EEA1: variants seen among roughly 807,000 people sequenced by gnomAD.
The protein encoded by EEA1 is early endosome antigen 1.
EEA1 carries 111 observed loss-of-function variants against 209.2 expected under a neutral mutation model. The observed-to-expected ratio is 0.53, with a 90% CI of 0.45 to 0.62. The LOEUF (loss-of-function observed/expected upper bound fraction) is 0.62, where lower values mean the gene tolerates loss of function less well. Ranked by LOEUF, EEA1 falls within the 20% of genes least tolerant of loss-of-function variation. EEA1 has a pLI of 0.00. For synonymous variants in EEA1, 536 were observed against 540.6 expected, an observed-to-expected ratio of 0.99 and a Z score of 0.12; for missense variants, 1,343 against 1,530.8, an observed-to-expected ratio of 0.88 and a Z score of 2.05.
intron 9 of EEA1, among the ~76,000 whole-genome samples, chr12:92,848,722 CTTTTTTTTTTT>C (rs71069184): frequency 4.6e-5 from 3 of 64,574 alleles, no homozygotes; most frequent in African/African-American, 6.1e-5. Context: ...ATATTCTCAC[CTTTTTTTTTTT>C]TTTTTTTTTT....
intron 1 of EEA1, among the ~76,000 whole-genome samples, chr12:92,927,962 TC>T (rs1444062098): frequency 2.0e-5 from 3 of 152,218 alleles, no homozygotes; most frequent in African/African-American, 7.2e-5. Context: ...GCAAGAGCAC[TC>T]CCTTCCTATC....
chr12:92,833,628 G>A (rs916239317), intron 10 of EEA1, among the ~76,000 whole-genome samples: 5 of 152,182 alleles, frequency 3.3e-5, no homozygotes, highest in African/African-American at 9.6e-5. Context: ...ATCCAGCCAG[G>A]ATAAGAAGCT....
chr12:92,799,095 A>G lies in EEA1; in HGVS notation c.2773-9T>C. On this transcript the variant is annotated splice_polypyrimidine_tract_variant and intron_variant, in intron 20 of 28. Transcript: ENST00000322349. ...TTCAACTGATGAGAAGCCTGAAAGAAAAAAAAAATCTATTTAGCCTTCATT... is the reference window on the plus strand; with the variant it reads ...TTCAACTGATGAGAAGCCTGAAAGAGAAAAAAAATCTATTTAGCCTTCATT... 6.4e-7 allele frequency: 1 copy of G among 1,564,356 alleles called. No individual in the cohort carries two copies. The highest frequency in any genetic ancestry group is 8.6e-7 in the Non-Finnish European group (1 of 1,161,878).
intron 2 of EEA1, among the ~76,000 whole-genome samples, chr12:92,885,503 C>T (rs1007879360): frequency 6.6e-6 from 1 of 152,116 alleles, no homozygotes; most frequent in South Asian, 2.1e-4. Flanking sequence ...AAAACAATTT[C>T]CCCTGAGAAT....
chr12:92,901,930 C>T (rs1425266668), intron 1 of EEA1, among the ~76,000 whole-genome samples: 1 of 152,108 alleles, frequency 6.6e-6, no homozygotes, highest in African/African-American at 2.4e-5. Context: ...AGCCCAAAAA[C>T]AATAACACTA....
intron 10 of EEA1, among the ~76,000 whole-genome samples, chr12:92,839,848 G>C (rs1322185330): frequency 6.6e-6 from 1 of 152,128 alleles, no homozygotes; most frequent in African/African-American, 2.4e-5. Context: ...GAAACTTCAT[G>C]GCAGCAAATT....
intron 3 of EEA1, among the ~76,000 whole-genome samples, chr12:92,859,932 T>C (rs1878061848): frequency 6.6e-6 from 1 of 152,188 alleles, no homozygotes; most frequent in African/African-American, 2.4e-5. Context: ...TGATCAGTCT[T>C]GTATGTAACG....
In EEA1 at chr12:92,772,503, TACA is replaced by T. The variant is rs1209664623; in HGVS notation, c.*3505_*3507del. ...GACAAAACAATTTATAGTCACAGAATACAACTAGTTTAGAAAGAAATGTTTTTA... is the reference window on the plus strand; with the variant it reads ...GACAAAACAATTTATAGTCACAGAATACTAGTTTAGAAAGAAATGTTTTTA... On this transcript the variant is annotated 3_prime_UTR_variant, in exon 29 of 29. Coordinates refer to ENST00000322349, the MANE Select transcript of EEA1 (RefSeq NM_003566.4). 1 of 151,820 alleles carries T rather than the reference TACA, an allele frequency of 6.6e-6. No homozygotes were observed. The highest frequency in any genetic ancestry group is 1.5e-5 in the Non-Finnish European group (1 of 67,784). 9.4% of individuals were successfully genotyped at this position (151,820 alleles called of 1,614,324 possible).
chr12:92,860,214 C>T (rs1878076880), intron 3 of EEA1, among the ~76,000 whole-genome samples: 1 of 152,206 alleles, frequency 6.6e-6, no homozygotes, highest in African/African-American at 2.4e-5. Flanking sequence ...AGGGAAGTCA[C>T]AGGCCAGTAC....
chr12:92,907,093 C>G (rs867887658), intron 1 of EEA1, among the ~76,000 whole-genome samples: 3 of 152,118 alleles, frequency 2.0e-5, no homozygotes, highest in Non-Finnish European at 4.4e-5. Context: ...ATAACAAATA[C>G]TATTTCATGA....
intron 3 of EEA1, chr12:92,858,030 T>C: frequency 2.7e-6 from 1 of 367,950 alleles, no homozygotes; most frequent in Non-Finnish European, 5.0e-6. Context: ...GCTGCCATCT[T>C]GCCGCTGCTC....
At chr12:92,804,418 A>G (rs1875086575) in intron 18 of EEA1, among the ~76,000 whole-genome samples, 1 of 151,972 alleles carries the variant, frequency 6.6e-6, no homozygotes, top group African/African-American at 2.4e-5. Flanking sequence ...CTAAAAACAC[A>G]AAAATTAGCC....
intron 2 of EEA1, among the ~76,000 whole-genome samples, chr12:92,866,119 G>A (rs1281601925): frequency 1.3e-5 from 2 of 150,374 alleles, no homozygotes. Flanking sequence ...TTGAACCTGG[G>A]AGGTGGAGGT....
chr12:92,890,807 C>T (rs1879629514), intron 2 of EEA1, among the ~76,000 whole-genome samples: 2 of 152,082 alleles, frequency 1.3e-5, no homozygotes, highest in South Asian at 4.1e-4. Flanking sequence ...AAAATAAACA[C>T]ATGGTCAGAG....
At chr12:92,864,352 T>C (rs1015309600) in intron 3 of EEA1, among the ~76,000 whole-genome samples, 34 of 152,184 alleles carry the variant, frequency 2.2e-4, no homozygotes, top group African/African-American at 4.1e-4. Flanking sequence ...AGTTATACCA[T>C]TGAATGCTAT....
intron 19 of EEA1, 93 bp from the exon 20 acceptor site, chr12:92,801,794 A>C: frequency 1.3e-6 from 1 of 775,328 alleles, no homozygotes; most frequent in South Asian, 2.8e-5. Flanking sequence ...ACACGAAGAA[A>C]TAAACTAAAA....
intron 2 of EEA1, among the ~76,000 whole-genome samples, chr12:92,866,570 A>T (rs752878434): frequency 6.6e-6 from 1 of 151,930 alleles, no homozygotes. Flanking sequence ...TTTAAAGATC[A>T]CTGTTCCCCA....
At chr12:92,893,430 C>T (rs530257537) in intron 1 of EEA1, among the ~76,000 whole-genome samples, 13 of 152,290 alleles carry the variant, frequency 8.5e-5, no homozygotes, top group Non-Finnish European at 1.9e-4. Flanking sequence ...CTCTGTTAGA[C>T]ATCTCCACTG....
chr12:92,876,204 C>T (rs1878874986), intron 2 of EEA1, among the ~76,000 whole-genome samples: 1 of 152,082 alleles, frequency 6.6e-6, no homozygotes, highest in African/African-American at 2.4e-5. Flanking sequence ...TCCCGAGTAG[C>T]TGAGAATACA....
Sources: gnomAD v4.1 joint callset for allele counts (sites outside exome capture counted in the v4.1 genomes callset) on GRCh38, gnomAD v4.1.1 for gene constraint, MANE v1.5 for transcripts, NCBI Gene and HGNC (gene_info 2026-07-23, HGNC 2026-07-21) for gene names.